Variants in POR observed in about 807,000 individuals in gnomAD.
The protein encoded by POR is NADPH--cytochrome P450 reductase.
POR carries 56 observed loss-of-function variants against 84.0 expected under a neutral mutation model. That is an observed-to-expected ratio of 0.67 (90% CI 0.54 to 0.83). POR has a LOEUF of 0.83. Among genes scored for constraint, POR ranks in the 40% least tolerant of loss-of-function variants. The pLI, the probability that POR is intolerant of heterozygous loss-of-function variation, is 0.00. For synonymous variants in POR, 414 were observed against 400.5 expected, an observed-to-expected ratio of 1.03 and a Z score of -0.40; for missense variants, 938 against 944.3, an observed-to-expected ratio of 0.99 and a Z score of 0.09.
chr7:75,918,423 T>TA (rs1465411275), intron 1 of POR, among the ~76,000 whole-genome samples: 6 of 152,184 alleles, frequency 3.9e-5, no homozygotes, highest in Non-Finnish European at 5.9e-5. Context: ...AGAGGTCACT[T>TA]ACCTGCTTGC....
At chr7:75,931,512 G>A (rs1049287516) in intron 1 of POR, among the ~76,000 whole-genome samples, 2 of 151,852 alleles carry the variant, frequency 1.3e-5, no homozygotes. Flanking sequence ...GATTACAGGC[G>A]CCTGTCATCA....
intron 1 of POR, among the ~76,000 whole-genome samples, chr7:75,952,290 AC>A (rs1177911741): frequency 1.1e-5 from 1 of 88,632 alleles, no homozygotes; most frequent in African/African-American, 4.9e-5. Flanking sequence ...CGGGGGGCTG[AC>A]CCCCCCACCT....
chr7:75,937,656 C>G (rs1425613894), intron 1 of POR, among the ~76,000 whole-genome samples: 2 of 151,358 alleles, frequency 1.3e-5, no homozygotes, highest in Non-Finnish European at 1.5e-5. Flanking sequence ...GTGGCAGGCA[C>G]CTGTAATCCC....
At chr7:75,934,575 T>TG (rs149833705) in intron 1 of POR, among the ~76,000 whole-genome samples, 5 of 151,944 alleles carry the variant, frequency 3.3e-5, no homozygotes, top group Admixed American at 6.6e-5. Context: ...GCCAAGACTG[T>TG]GGGGAAAAAA....
intron 8 of POR, 124 bp from the exon 9 acceptor site, chr7:75,983,396 G>A (rs893876187): frequency 3.5e-5 from 24 of 691,178 alleles, no homozygotes; most frequent in East Asian, 1.8e-4. Flanking sequence ...TGATGTAACC[G>A]GTGAGATTTC....
At chr7:75,975,626 A>AAAT (rs1282054757) in intron 3 of POR, among the ~76,000 whole-genome samples, 3 of 151,924 alleles carry the variant, frequency 2.0e-5, no homozygotes, top group African/African-American at 7.2e-5. Flanking sequence ...ACCCTGTGTC[A>AAAT]AATAATAATA....
intron 1 of POR, among the ~76,000 whole-genome samples, chr7:75,922,019 T>C (rs1554548896): frequency 6.6e-6 from 1 of 152,190 alleles, no homozygotes; most frequent in African/African-American, 2.4e-5. Context: ...TGTCACTGTC[T>C]TATTGCATGT....
At chr7:75,927,390 C>T (rs932628324) in intron 1 of POR, among the ~76,000 whole-genome samples, 4 of 151,546 alleles carry the variant, frequency 2.6e-5, no homozygotes, top group Non-Finnish European at 5.9e-5. Flanking sequence ...GTCCCAGCAA[C>T]GCAGGAGGCT....
At position 75,985,569 on chromosome 7, in the gene POR, C is replaced by T; in HGVS notation, c.1399-10C>T. The T allele has an allele frequency of 6.6e-7, 1 of 1,525,192 alleles. No individual in the cohort carries two copies. Among genetic ancestry groups the T allele is most frequent in the Non-Finnish European group, 8.8e-7 (1 of 1,131,764 alleles). 94.5% of individuals were successfully genotyped at this position (1,525,192 alleles called of 1,614,324 possible). A position where few individuals can be genotyped will look rare whatever the true frequency, so the allele number is the denominator to read the frequency against. ...GTGTGGCGGTGGAGCTCACACGGCCCTCCCCACAGGTCCACCCCAACTCTG... is the reference window on the plus strand; with the variant it reads ...GTGTGGCGGTGGAGCTCACACGGCCTTCCCCACAGGTCCACCCCAACTCTG... On this transcript the variant is annotated splice_polypyrimidine_tract_variant and intron_variant, in intron 12 of 15. Coordinates refer to ENST00000461988, the MANE Select transcript of POR (RefSeq NM_000941.3).
rs373053855 is a variant in POR at position 75,954,041 on chromosome 7, G to A, written c.49G>A (p.Glu17Lys). 22 of 1,609,984 alleles carry A rather than the reference G, an allele frequency of 1.4e-5. No individual in the cohort carries two copies. The South Asian group carries it at 1.4e-4, about 11-fold the overall frequency. The change falls in exon 2 of 16, where the codon GAG (glutamate) becomes AAG (lysine). Residue 17 changes from glutamate to lysine, a missense_variant. Coordinates refer to ENST00000461988, the MANE Select transcript of POR (RefSeq NM_000941.3). ...CGTGGACACCAGCTCCACCGTGTCC[G>A]AGGCGGTGGCCGAAGAAGTATCTCT...
intron 2 of POR, among the ~76,000 whole-genome samples, chr7:75,954,899 G>C (rs1230272514): frequency 6.6e-6 from 1 of 151,860 alleles, no homozygotes; most frequent in African/African-American, 2.4e-5. Context: ...GTAGAGACAG[G>C]GTCTCACCAT....
Position 75,979,466 on chromosome 7 carries a change from G to C in POR, c.253G>C (p.Val85Leu), listed in dbSNP as rs369667255. The C allele has an allele frequency of 2.5e-6, 4 of 1,613,170 alleles. No individual in the cohort carries two copies. The highest frequency in any genetic ancestry group is 1.3e-5 in the African/African-American group (1 of 74,914). The change falls in exon 4 of 16, where the codon GTG becomes CTG. Residue 85 changes from valine to leucine, a missense_variant. Transcript: ENST00000461988. ...CCTTCCTTAGGGGAGGAACATCATCGTGTTCTACGGCTCCCAGACGGGGAC... is the reference window on the plus strand; with the variant it reads ...CCTTCCTTAGGGGAGGAACATCATCCTGTTCTACGGCTCCCAGACGGGGAC...
chr7:75,950,800 C>T (rs187188071), intron 1 of POR, among the ~76,000 whole-genome samples: 13 of 152,314 alleles, frequency 8.5e-5, no homozygotes, highest in African/African-American at 1.9e-4. Context: ...CAGTGGCTCA[C>T]GCCTGTCATC....
At chr7:75,918,366 G>T (rs1806682239) in intron 1 of POR, among the ~76,000 whole-genome samples, 1 of 152,104 alleles carries the variant, frequency 6.6e-6, no homozygotes, top group South Asian at 2.1e-4. Context: ...ATCTGGCATT[G>T]GGCAGAAATT....
chr7:75,960,424 A>T (rs1313225062), intron 2 of POR, among the ~76,000 whole-genome samples: 4 of 152,148 alleles, frequency 2.6e-5, no homozygotes, highest in African/African-American at 9.6e-5. Flanking sequence ...GCCCCAGGGA[A>T]TGCTCAGCCT....
chr7:75,922,866 G>C (rs184668625), intron 1 of POR: 1 of 577,792 alleles, frequency 1.7e-6, no homozygotes. Flanking sequence ...TTTTGGCAAA[G>C]GAGGAGCAGA....
intron 1 of POR, among the ~76,000 whole-genome samples, chr7:75,924,944 G>C (rs782515363): frequency 4.6e-5 from 7 of 152,118 alleles, no homozygotes; most frequent in Non-Finnish European, 8.8e-5. Context: ...ACCAAGGTCT[G>C]TTGGTCTTTT....
At chr7:75,978,858 G>A (rs782115002) in intron 3 of POR, among the ~76,000 whole-genome samples, 25 of 152,088 alleles carry the variant, frequency 1.6e-4, no homozygotes, top group African/African-American at 2.4e-4. Context: ...GTGCAGTGGC[G>A]TGTTCTCAGT....
intron 1 of POR, among the ~76,000 whole-genome samples, chr7:75,933,391 T>TG (rs1807517400): frequency 5.3e-5 from 5 of 94,126 alleles, no homozygotes; most frequent in African/African-American, 1.5e-4. Flanking sequence ...TTTTTTTTTT[T>TG]TTTTTTTTTT....
Sources: gnomAD v4.1 joint callset for allele counts (sites outside exome capture counted in the v4.1 genomes callset) on GRCh38, gnomAD v4.1.1 for gene constraint, MANE v1.5 for transcripts, NCBI Gene and HGNC (gene_info 2026-07-23, HGNC 2026-07-21) for gene names.